CCDC171: variants seen among roughly 807,000 people sequenced by gnomAD.
The protein encoded by CCDC171 is coiled-coil domain-containing protein 171.
In CCDC171, 177 loss-of-function variants were observed where a neutral mutation model predicts 168.2. The observed-to-expected ratio is 1.05, with a 90% CI of 0.93 to 1.19. CCDC171 has a LOEUF of 1.19. CCDC171 is among the 50% of genes most tolerant of loss of function. The pLI is 0.00. For missense variants in CCDC171, 1,991 were observed against 1,539.0 expected (o/e 1.29, Z -4.91); for synonymous variants, 687 against 540.8 (o/e 1.27, Z -3.75).
At chr9:16,001,849 T>G (rs1832555248) in intron 3 of CCDC171, among the ~76,000 whole-genome samples, 1 of 150,920 alleles carries the variant, frequency 6.6e-6, no homozygotes, top group African/African-American at 2.4e-5. Flanking sequence ...TTTTTTTTTT[T>G]TTTTTTGAGA....
At chr9:15,601,937 C>G (rs988744366) in intron 6 of CCDC171, among the ~76,000 whole-genome samples, 1 of 152,126 alleles carries the variant, frequency 6.6e-6, no homozygotes, top group Non-Finnish European at 1.5e-5. Context: ...CCTGTAAATC[C>G]TAAATGAAAC....
the CCDC171 span, among the ~76,000 whole-genome samples, chr9:16,077,432 A>T: frequency 1.3e-5 from 2 of 152,198 alleles, no homozygotes; most frequent in East Asian, 3.9e-4. Flanking sequence ...GGTGGAGAAT[A>T]CTTCCCTACT....
intron 3 of CCDC171, among the ~76,000 whole-genome samples, chr9:16,001,563 C>G (rs1211850444): frequency 6.6e-6 from 1 of 152,112 alleles, no homozygotes; most frequent in South Asian, 2.1e-4. Context: ...CAGTCATGCA[C>G]TGCATAACAA....
At position 15,790,676 on chromosome 9, in the gene CCDC171, C is replaced by G. The variant is rs147997940; in HGVS notation, c.3267+5982C>G. ...TTAGACATGAAGTCCTTGCCCATGC[C>G]TATGTCCTGAATGGTATTGCCTAGG... On this transcript the variant is annotated intron_variant, in intron 21 of 25. Coordinates refer to ENST00000380701, the MANE Select transcript of CCDC171 (RefSeq NM_173550.4). Among the ~76,000 whole-genome samples, 1,469 of 152,278 alleles carry G rather than the reference C, an allele frequency of 9.6e-3. 27 individuals are homozygous for G. The highest frequency in any genetic ancestry group is 0.034 in the African/African-American group (1,404 of 41,550).
intron 6 of CCDC171, among the ~76,000 whole-genome samples, chr9:15,598,658 A>G (rs1388210732): frequency 3.3e-5 from 5 of 152,114 alleles, no homozygotes; most frequent in African/African-American, 1.2e-4. Context: ...GTAGATGTCT[A>G]TTAGGTCCAC....
intron 21 of CCDC171, among the ~76,000 whole-genome samples, chr9:15,810,456 C>G (rs1476203381): frequency 9.4e-6 from 1 of 106,040 alleles, no homozygotes; most frequent in Non-Finnish European, 1.8e-5. Flanking sequence ...GGGGTGGCGC[C>G]TGTCGGGGAG....
intron 6 of CCDC171, among the ~76,000 whole-genome samples, chr9:16,032,580 A>G (rs1206525892): frequency 6.6e-6 from 1 of 152,174 alleles, no homozygotes; most frequent in African/African-American, 2.4e-5. Flanking sequence ...ACCGAGACAC[A>G]TTGCAAAGCA....
chr9:15,703,881 G>T (rs1278055345), intron 11 of CCDC171, among the ~76,000 whole-genome samples: 1 of 152,106 alleles, frequency 6.6e-6, no homozygotes, highest in Non-Finnish European at 1.5e-5. Context: ...TATGGGCATG[G>T]TTTGTGGTGT....
chr9:15,643,344 C>T (rs2046787520), intron 7 of CCDC171, among the ~76,000 whole-genome samples: 1 of 152,066 alleles, frequency 6.6e-6, no homozygotes, highest in Non-Finnish European at 1.5e-5. Flanking sequence ...GCATTGGGCC[C>T]ATCTGGGATA....
intron 24 of CCDC171, among the ~76,000 whole-genome samples, chr9:15,908,433 C>G (rs1396894509): frequency 6.6e-6 from 1 of 150,588 alleles, no homozygotes; most frequent in African/African-American, 2.5e-5. Context: ...CATGTTCTCA[C>G]TCATAGGTGG....
chr9:15,902,005 CA>C (rs1428610937), intron 24 of CCDC171, among the ~76,000 whole-genome samples: 1 of 151,850 alleles, frequency 6.6e-6, no homozygotes, highest in Admixed American at 6.6e-5. Context: ...AATTTTCTTT[CA>C]AAAAAGATGA....
At chr9:15,741,743 A>T (rs1038659958) in intron 16 of CCDC171, among the ~76,000 whole-genome samples, 1 of 152,066 alleles carries the variant, frequency 6.6e-6, no homozygotes, top group African/African-American at 2.4e-5. Flanking sequence ...TTCTTTGCCA[A>T]TTCTTATGTC....
intron 24 of CCDC171, among the ~76,000 whole-genome samples, chr9:15,905,422 A>G (rs1589069201): frequency 1.3e-5 from 2 of 152,286 alleles, no homozygotes; most frequent in Admixed American, 6.5e-5. Flanking sequence ...CTGAATGACT[A>G]CTGGGTACAT....
At chr9:15,812,555 G>A (rs78752420) in intron 21 of CCDC171, among the ~76,000 whole-genome samples, 114 of 152,166 alleles carry the variant, frequency 7.5e-4, no homozygotes, top group East Asian at 4.0e-3. Context: ...AAATTGTATC[G>A]GCCACAAAAA....
chr9:15,626,012 T>A (rs1043933435), intron 7 of CCDC171, among the ~76,000 whole-genome samples: 3 of 152,172 alleles, frequency 2.0e-5, no homozygotes, highest in Admixed American at 2.0e-4. Flanking sequence ...GGTTTGTAGT[T>A]CTCCTTGAAG....
chr9:15,764,001 G>T (rs2056589491), intron 18 of CCDC171, among the ~76,000 whole-genome samples: 1 of 152,098 alleles, frequency 6.6e-6, no homozygotes, highest in East Asian at 1.9e-4. Context: ...ATATCTGAGG[G>T]GAAGCGGTGG....
chr9:15,800,198 C>T (rs533878687), intron 21 of CCDC171, among the ~76,000 whole-genome samples: 29 of 152,152 alleles, frequency 1.9e-4, no homozygotes, highest in African/African-American at 6.0e-4. Context: ...CCAAACTGTT[C>T]TCCATAGTGG....
At chr9:15,848,115 G>A (rs779287916) in intron 22 of CCDC171, among the ~76,000 whole-genome samples, 4 of 151,876 alleles carry the variant, frequency 2.6e-5, no homozygotes, top group Non-Finnish European at 5.9e-5. Flanking sequence ...AGGCTTATAA[G>A]ACCTCCAGAT....
intron 21 of CCDC171, among the ~76,000 whole-genome samples, chr9:15,832,489 G>A (rs2060275305): frequency 6.6e-6 from 1 of 152,182 alleles, no homozygotes; most frequent in Non-Finnish European, 1.5e-5. Flanking sequence ...CTACAAACCT[G>A]TACAGAATGT....
Sources: allele counts gnomAD v4.1 joint callset (sites outside exome capture counted in the v4.1 genomes callset), GRCh38; gene constraint gnomAD v4.1.1; transcripts MANE v1.5; gene names NCBI Gene and HGNC (gene_info 2026-07-23, HGNC 2026-07-21).